Variants in ARHGAP32 observed in about 807,000 individuals in gnomAD.
ARHGAP32 encodes the protein rho GTPase-activating protein 32.
ARHGAP32 carries 51 observed loss-of-function variants against 186.5 expected under a neutral mutation model. That is an observed-to-expected ratio of 0.27 (90% CI 0.22 to 0.35). The LOEUF is 0.35. Among genes scored for constraint, ARHGAP32 ranks in the 10% least tolerant of loss-of-function variants. The pLI, the probability that ARHGAP32 is intolerant of heterozygous loss-of-function variation, is 1.00. For synonymous variants in ARHGAP32, 950 were observed against 964.3 expected (o/e 0.99, Z 0.27); for missense variants, 2,186 against 2,623.5 (o/e 0.83, Z 3.64).
chr11:129,110,258 A>G (rs1321708404), intron 5 of ARHGAP32, among the ~76,000 whole-genome samples: 1 of 152,002 alleles, frequency 6.6e-6, no homozygotes, highest in Non-Finnish European at 1.5e-5. Flanking sequence ...CTGTAAACAC[A>G]TGGATTTCTT....
At chr11:129,269,552 C>T (rs1197615214) in intron 1 of ARHGAP32, among the ~76,000 whole-genome samples, 1 of 152,008 alleles carries the variant, frequency 6.6e-6, no homozygotes, top group African/African-American at 2.4e-5. Context: ...CATAGAGAGA[C>T]TTCGTCTCTA....
At chr11:128,973,887 G>A (rs112752833) in intron 21 of ARHGAP32, 12,111 of 554,184 alleles carry the variant, frequency 0.022, 179 homozygotes, top group Non-Finnish European at 0.027. Context: ...AATTCTCACC[G>A]TCCAAAGAGA....
chr11:129,213,163 C>T (rs11221607), intron 1 of ARHGAP32, among the ~76,000 whole-genome samples: 37 of 152,192 alleles, frequency 2.4e-4, no homozygotes, highest in African/African-American at 8.2e-4. Flanking sequence ...TTCGTAGTTC[C>T]GCTATCTGAA....
chr11:128,969,204 G>T lies in ARHGAP32; in HGVS notation c.6009C>A (p.Leu2003=). The change falls in exon 23 of 23, where the codon CTC becomes CTA. Residue 2003 remains leucine, a synonymous_variant. Coordinates refer to ENST00000682385, the MANE Select transcript of ARHGAP32 (RefSeq NM_001378024.1). This position sits in a 1 kb window ranked among gnomAD's most constrained non-coding sequence, Gnocchi z 4.8. ...CCACGTTCTGGGTATGATGGAGTTT[G>T]AGGCTATGACTCCTCTCTGGTTTAG... The part of the protein sequence containing the change: ...PPPKPERSHS[L]KLHHTQNVER... The T allele has an allele frequency of 6.2e-7, 1 of 1,614,042 alleles. No individual in the cohort carries two copies. Among genetic ancestry groups the T allele is most frequent in the Non-Finnish European group, 8.5e-7 (1 of 1,179,936 alleles).
At chr11:128,986,694 A>G (rs377542457) in intron 13 of ARHGAP32, 26 bp from the exon 14 acceptor site, 264 of 1,609,968 alleles carry the variant, frequency 1.6e-4, no homozygotes, top group Non-Finnish European at 2.2e-4. Context: ...GAGGACAAGC[A>G]AATCATTTGA....
chr11:128,975,293 A>G lies in ARHGAP32; in HGVS notation c.2195-291T>C, dbSNP rs895448170. Among the ~76,000 whole-genome samples, 5 of 152,180 alleles carry G rather than the reference A, an allele frequency of 3.3e-5. No individual in the cohort carries two copies. The East Asian group carries it at 9.6e-4, about 29-fold the overall frequency. ...AATGCTTGGATTCTATTACTAATCC[A>G]ACACTGATTCTTGGTGTGACTTTGG... On this transcript the variant is annotated intron_variant, in intron 20 of 22. Coordinates refer to ENST00000682385, the MANE Select transcript of ARHGAP32 (RefSeq NM_001378024.1).
chr11:129,029,317 A>AT (rs1938994174), intron 11 of ARHGAP32, among the ~76,000 whole-genome samples: 3 of 152,192 alleles, frequency 2.0e-5, no homozygotes, highest in Admixed American at 2.0e-4. Context: ...AGTGGGCAGA[A>AT]TTCTGGGTTT....
chr11:129,212,433 C>G (rs1230904918), intron 1 of ARHGAP32, among the ~76,000 whole-genome samples: 2 of 152,134 alleles, frequency 1.3e-5, no homozygotes, highest in African/African-American at 4.8e-5. Flanking sequence ...CTCTGTCAAT[C>G]TGAAAGATGG....
chr11:129,082,853 A>G (rs112197197), intron 6 of ARHGAP32, among the ~76,000 whole-genome samples: 3,852 of 152,198 alleles, frequency 0.025, 104 homozygotes, highest in African/African-American at 0.062. Context: ...TCCAGAATCT[A>G]CAAGGAACCC....
chr11:129,049,765 C>A (rs1036828290), intron 10 of ARHGAP32, among the ~76,000 whole-genome samples: 4 of 152,142 alleles, frequency 2.6e-5, no homozygotes, highest in East Asian at 3.8e-4. Context: ...CACCATTTGT[C>A]TATTAATCTG....
At chr11:129,243,472 T>C (rs188634530) in intron 1 of ARHGAP32, among the ~76,000 whole-genome samples, 1 of 152,330 alleles carries the variant, frequency 6.6e-6, no homozygotes, top group Non-Finnish European at 1.5e-5. Flanking sequence ...CAAATGTTTC[T>C]GAATAATAAG....
chr11:129,119,098 A>G (rs1223694293), intron 5 of ARHGAP32, among the ~76,000 whole-genome samples: 1 of 151,942 alleles, frequency 6.6e-6, no homozygotes, highest in Non-Finnish European at 1.5e-5. Context: ...GTTCCTCTCC[A>G]CCTTATCACA....
At chr11:129,117,234 G>T (rs1942391936) in intron 5 of ARHGAP32, among the ~76,000 whole-genome samples, 1 of 151,916 alleles carries the variant, frequency 6.6e-6, no homozygotes, top group Non-Finnish European at 1.5e-5. Flanking sequence ...CCACAAAACG[G>T]TTTAAGAACT....
At chr11:129,077,587 T>C (rs2135204847) in intron 6 of ARHGAP32, among the ~76,000 whole-genome samples, 1 of 152,016 alleles carries the variant, frequency 6.6e-6, no homozygotes, top group East Asian at 1.9e-4. Context: ...CCCCCTTAGA[T>C]CATAACTCCA....
intron 6 of ARHGAP32, among the ~76,000 whole-genome samples, chr11:129,092,165 C>T (rs897946288): frequency 4.0e-5 from 6 of 151,768 alleles, no homozygotes; most frequent in Non-Finnish European, 8.8e-5. Flanking sequence ...AACAATTATA[C>T]GTTATAATAT....
chr11:129,256,571 C>T (rs1945256991), intron 1 of ARHGAP32, among the ~76,000 whole-genome samples: 1 of 152,086 alleles, frequency 6.6e-6, no homozygotes, highest in Admixed American at 6.6e-5. Flanking sequence ...CAGAAGTAAC[C>T]AACATCCATC....
At chr11:129,020,625 T>A (rs1938551954) in intron 11 of ARHGAP32, among the ~76,000 whole-genome samples, 1 of 152,126 alleles carries the variant, frequency 6.6e-6, no homozygotes, top group East Asian at 1.9e-4. Flanking sequence ...AAATATCATC[T>A]GTATGTTCTG....
At chr11:129,043,851 T>C (rs1396123709) in intron 10 of ARHGAP32, among the ~76,000 whole-genome samples, 1 of 152,146 alleles carries the variant, frequency 6.6e-6, no homozygotes, top group Non-Finnish European at 1.5e-5. Context: ...AACTGTACTG[T>C]TTGTTGCACT....
intron 1 of ARHGAP32, among the ~76,000 whole-genome samples, chr11:129,201,281 CTG>C (rs1348695759): frequency 5.3e-5 from 8 of 152,144 alleles, no homozygotes; most frequent in Non-Finnish European, 1.2e-4. Context: ...AGTATACTTT[CTG>C]GTATTCAAGT....
Sources: allele counts gnomAD v4.1 joint callset (sites outside exome capture counted in the v4.1 genomes callset), GRCh38; gene constraint gnomAD v4.1.1; non-coding constraint Gnocchi (gnomAD v3.1); transcripts MANE v1.5; gene names NCBI Gene and HGNC (gene_info 2026-07-23, HGNC 2026-07-21).